The following ETV1 variants were observed in gnomAD, a reference collection of about 807,000 sequenced individuals.
ETV1 encodes the protein ETS translocation variant 1.
In ETV1, 27 loss-of-function variants were observed where a neutral mutation model predicts 62.3. The ratio of observed to expected loss-of-function variants is 0.43; its 90% confidence interval spans 0.32 to 0.60. The LOEUF (loss-of-function observed/expected upper bound fraction) is 0.60, where lower values mean the gene tolerates loss of function less well. ETV1 is among the 20% of genes least tolerant of loss of function. The pLI, the probability that ETV1 is intolerant of heterozygous loss-of-function variation, is 0.06. For synonymous variants in ETV1, 222 were observed against 199.6 expected (o/e 1.11, Z -0.94); for missense variants, 605 against 605.8 (o/e 1.00, Z 0.01).
intron 6 of ETV1, among the ~76,000 whole-genome samples, chr7:13,959,616 G>A (rs1789913217): frequency 6.6e-6 from 1 of 151,984 alleles, no homozygotes; most frequent in Non-Finnish European, 1.5e-5. Context: ...GGGCACAGTG[G>A]CTCACACCTG....
At chr7:13,988,016 C>A in intron 4 of ETV1, 70 bp downstream of exon 4, 2 of 833,040 alleles carry the variant, frequency 2.4e-6, no homozygotes, top group Non-Finnish European at 4.2e-6. Flanking sequence ...GACTGAAGTG[C>A]TCCTTTTCTT....
intron 5 of ETV1, among the ~76,000 whole-genome samples, chr7:13,981,522 TACATACATAC>T (rs772698124): frequency 0.023 from 3,178 of 138,296 alleles, 56 homozygotes; most frequent in Non-Finnish European, 0.033. Context: ...CATACATACA[TACATACATAC>T]ATATATATAT....
Position 13,931,753 on chromosome 7 carries a change from G to C in ETV1, c.555-4C>G. The C allele has an allele frequency of 6.2e-7, 1 of 1,612,924 alleles. No homozygotes were observed. Among genetic ancestry groups the C allele is most frequent in the Non-Finnish European group, 8.5e-7 (1 of 1,178,976 alleles). On this transcript the variant is annotated splice_region_variant and splice_polypyrimidine_tract_variant and intron_variant, in intron 8 of 13. Coordinates refer to ENST00000430479, the MANE Select transcript of ETV1 (RefSeq NM_004956.5). ...TTCAGAAAGCTGGCGGCGAAATCTA[G>C]GGAATAAGAGAGTGTGTTTCAGATG...
intron 6 of ETV1, among the ~76,000 whole-genome samples, chr7:13,960,456 TAC>T (rs1790038543): frequency 6.6e-6 from 1 of 152,180 alleles, no homozygotes; most frequent in African/African-American, 2.4e-5. Context: ...ATTTAATCAT[TAC>T]ATTCACCCAT....
At chr7:13,932,898 T>G (rs1178540140) in intron 8 of ETV1, among the ~76,000 whole-genome samples, 3 of 152,198 alleles carry the variant, frequency 2.0e-5, no homozygotes, top group Non-Finnish European at 4.4e-5. Context: ...AGCGATTGCT[T>G]TAGCATTTCT....
At chr7:13,898,339 A>C (rs1275180230) in intron 13 of ETV1, among the ~76,000 whole-genome samples, 1 of 152,232 alleles carries the variant, frequency 6.6e-6, no homozygotes, top group Non-Finnish European at 1.5e-5. Flanking sequence ...ATTATGTTTT[A>C]TCTCTTAAAA....
chr7:13,914,618 TA>T (rs77923443), intron 9 of ETV1, among the ~76,000 whole-genome samples: 34,101 of 118,926 alleles, frequency 0.29, 4,078 homozygotes, highest in East Asian at 0.41. Flanking sequence ...GACAAGAAAC[TA>T]AAAAAAAAAA....
chr7:13,973,041 G>A (rs1259129546), intron 6 of ETV1, among the ~76,000 whole-genome samples: 2 of 152,166 alleles, frequency 1.3e-5, no homozygotes, highest in Admixed American at 6.5e-5. Context: ...AACAAACAAT[G>A]CTCAGGGAAA....
In ETV1 at chr7:13,974,234, A is replaced by C. The variant is rs150951688; in HGVS notation, c.235+3193T>G. ...TGCAAAACAAAAATGAAAAGTTTTA[A>C]AGCAAAATGAACACATGCAAGGGCA... On this transcript the variant is annotated intron_variant, in intron 6 of 13. Coordinates refer to ENST00000430479, the MANE Select transcript of ETV1 (RefSeq NM_004956.5). Among the ~76,000 whole-genome samples the C allele has an allele frequency of 3.3e-5, 5 of 152,350 alleles. No homozygotes were observed. The East Asian group carries it at 9.6e-4, about 29-fold the overall frequency.
At chr7:13,955,470 A>C (rs1334667493) in intron 6 of ETV1, among the ~76,000 whole-genome samples, 3 of 152,202 alleles carry the variant, frequency 2.0e-5, no homozygotes, top group Non-Finnish European at 4.4e-5. Context: ...CAAGAGCTAC[A>C]TCAGAATAAT....
chr7:13,959,055 A>C (rs1789838540), intron 6 of ETV1: 1 of 151,792 alleles, frequency 6.6e-6, no homozygotes, highest in Non-Finnish European at 1.5e-5. Context: ...AAAAAAAAAA[A>C]AAACTATAGA....
At chr7:13,926,288 G>A (rs1785420554) in intron 9 of ETV1, among the ~76,000 whole-genome samples, 1 of 152,062 alleles carries the variant, frequency 6.6e-6, no homozygotes, top group African/African-American at 2.4e-5. Flanking sequence ...TCAAAGTTTA[G>A]TTTCATGTGC....
intron 4 of ETV1, chr7:13,987,086 T>C (rs1436570060): frequency 1.1e-5 from 2 of 178,164 alleles, no homozygotes; most frequent in Admixed American, 6.3e-5. Context: ...CTGAAAAGCA[T>C]TTTATTTATA....
intron 9 of ETV1, among the ~76,000 whole-genome samples, chr7:13,927,814 G>C (rs1182947693): frequency 6.6e-6 from 1 of 152,086 alleles, no homozygotes; most frequent in Non-Finnish European, 1.5e-5. Flanking sequence ...TTTAAATCCT[G>C]TCAGAAAGAT....
rs117398052 is a variant in ETV1, at chr7:13,962,218, T to C, written c.235+15209A>G. 8.5e-3 allele frequency among the ~76,000 whole-genome samples: 1,283 copies of C among 151,622 alleles called. 15 individuals are homozygous for C. Among genetic ancestry groups the C allele is most frequent in the East Asian group, 0.039 (199 of 5,130 alleles). ...ACACACACACGTGTGTGTGTGTATATATATAAATACTCATTTAGTCACCCT... is the reference window on the plus strand; with the variant it reads ...ACACACACACGTGTGTGTGTGTATACATATAAATACTCATTTAGTCACCCT... On this transcript the variant is annotated intron_variant, in intron 6 of 13. Coordinates refer to ENST00000430479, the MANE Select transcript of ETV1 (RefSeq NM_004956.5).
chr7:13,929,521 A>G lies in ETV1; in HGVS notation c.802+1981T>C, dbSNP rs10085544. Among the ~76,000 whole-genome samples the G allele has an allele frequency of 6.2e-3, 947 of 152,006 alleles. 5 individuals carry two copies. The highest frequency in any genetic ancestry group is 0.019 in the African/African-American group (791 of 41,440). On this transcript the variant is annotated intron_variant, in intron 9 of 13. Coordinates refer to ENST00000430479, the MANE Select transcript of ETV1 (RefSeq NM_004956.5). ...GTACCCAGTCTTCAGATCCTGACACACCCCACTTTTTGTCTCTCTTCCTAT... is the reference window on the plus strand; with the variant it reads ...GTACCCAGTCTTCAGATCCTGACACGCCCCACTTTTTGTCTCTCTTCCTAT...
In ETV1 at chr7:13,961,613, A is replaced by G. The variant is rs532680556; in HGVS notation, c.235+15814T>C. 5.9e-5 allele frequency among the ~76,000 whole-genome samples: 9 copies of G among 152,298 alleles called. No individual in the cohort carries two copies. The South Asian group carries it at 1.9e-3, about 32-fold the overall frequency. On this transcript the variant is annotated intron_variant, in intron 6 of 13. Coordinates refer to ENST00000430479, the MANE Select transcript of ETV1 (RefSeq NM_004956.5). ...CAACACTTTTTTTCCCTTTCAATGA[A>G]TACATCAACTTTGAAATAAAAAAAA...
At chr7:13,939,349 A>G in intron 6 of ETV1, 103 bp from the exon 7 acceptor site, 1 of 934,188 alleles carries the variant, frequency 1.1e-6, no homozygotes, top group Non-Finnish European at 1.5e-6. Context: ...CACATTTCAT[A>G]TTAACTTACA....
chr7:13,971,957 CA>C (rs1178027269), intron 6 of ETV1, among the ~76,000 whole-genome samples: 5 of 151,916 alleles, frequency 3.3e-5, no homozygotes, highest in African/African-American at 9.7e-5. Context: ...ACTAAAAATA[CA>C]AAAATTATCC....
Sources: gnomAD v4.1 joint callset for allele counts (sites outside exome capture counted in the v4.1 genomes callset) on GRCh38, gnomAD v4.1.1 for gene constraint, MANE v1.5 for transcripts, NCBI Gene and HGNC (gene_info 2026-07-23, HGNC 2026-07-21) for gene names.